SLC38A6: variants seen among roughly 807,000 people sequenced by gnomAD.
SLC38A6 encodes N system amino acid transporter NAT-1.
SLC38A6 carries 73 observed loss-of-function variants against 65.0 expected under a neutral mutation model. The ratio of observed to expected loss-of-function variants is 1.12; its 90% confidence interval spans 0.93 to 1.37. SLC38A6 has a LOEUF of 1.37. SLC38A6 is among the 40% of genes most tolerant of loss of function. SLC38A6 has a pLI of 0.00. For missense variants in SLC38A6, 561 were observed against 531.1 expected (o/e 1.06, Z -0.55); for synonymous variants, 183 against 178.8 (o/e 1.02, Z -0.19).
At chr14:61,012,350 A>AT (rs1374216081) in intron 3 of SLC38A6, among the ~76,000 whole-genome samples, 1 of 148,222 alleles carries the variant, frequency 6.7e-6, no homozygotes, top group Non-Finnish European at 1.5e-5. Context: ...GGATTCATTG[A>AT]TTTTTTTGCA....
intron 12 of SLC38A6, 125 bp downstream of exon 12, chr14:61,046,292 G>T (rs2139818933): frequency 1.7e-6 from 1 of 604,264 alleles, no homozygotes; most frequent in East Asian, 2.8e-5. Context: ...AAATTACAAT[G>T]CAGTACTGTG....
chr14:61,018,890 A>G (rs532836900), intron 4 of SLC38A6, among the ~76,000 whole-genome samples: 7 of 152,184 alleles, frequency 4.6e-5, no homozygotes, highest in Admixed American at 1.3e-4. Context: ...CTCACATATT[A>G]TCAACTGGCC....
At chr14:61,068,627 G>T (rs1284158885) in intron 15 of SLC38A6, among the ~76,000 whole-genome samples, 1 of 152,160 alleles carries the variant, frequency 6.6e-6, no homozygotes, top group Non-Finnish European at 1.5e-5. Flanking sequence ...GGTCTGCCCT[G>T]CCTGTCTTAT....
chr14:60,981,384 T>G lies in SLC38A6; in HGVS notation c.105+2T>G. ...GAGTTGAGTCCGTTGCTAAGCAACG[T>G]AAGTGGGCTGTGTTCGCTTCCCCGC... On this transcript the variant is annotated splice_donor_variant, in intron 1 of 15. Transcript: ENST00000267488. LOFTEE classifies it high-confidence loss of function. 6.3e-7 allele frequency: 1 copy of G among 1,592,126 alleles called. No individual in the cohort carries two copies. The highest frequency in any genetic ancestry group is 8.6e-7 in the Non-Finnish European group (1 of 1,169,314).
At chr14:61,069,840 A>G (rs531476482) in intron 15 of SLC38A6, among the ~76,000 whole-genome samples, 1 of 152,236 alleles carries the variant, frequency 6.6e-6, no homozygotes, top group South Asian at 2.1e-4. Flanking sequence ...CCCAGCATCC[A>G]GTTTTCCTCC....
At chr14:61,026,297 C>T (rs895762206) in intron 5 of SLC38A6, among the ~76,000 whole-genome samples, 6 of 151,938 alleles carry the variant, frequency 3.9e-5, no homozygotes, top group African/African-American at 1.5e-4. Context: ...ATTTCAAATA[C>T]GTGAGAATAG....
At chr14:61,070,090 A>G (rs1461989777) in intron 15 of SLC38A6, among the ~76,000 whole-genome samples, 1 of 152,222 alleles carries the variant, frequency 6.6e-6, no homozygotes, top group Admixed American at 6.5e-5. Flanking sequence ...TGCCCTCTTA[A>G]CAAACTTGTA....
At chr14:61,011,007 A>G (rs1306662972) in intron 3 of SLC38A6, among the ~76,000 whole-genome samples, 1 of 152,018 alleles carries the variant, frequency 6.6e-6, no homozygotes, top group African/African-American at 2.4e-5. Context: ...GATTCTTCCT[A>G]CCCATGCGCA....
At chr14:60,988,657 G>A (rs2037636706) in intron 3 of SLC38A6, among the ~76,000 whole-genome samples, 1 of 152,088 alleles carries the variant, frequency 6.6e-6, no homozygotes, top group Non-Finnish European at 1.5e-5. Context: ...CTTCAACTCT[G>A]ACAGTTTTCA....
chr14:61,035,522 CTATTT>C (rs1163615270), intron 6 of SLC38A6, among the ~76,000 whole-genome samples: 1 of 152,076 alleles, frequency 6.6e-6, no homozygotes, highest in Non-Finnish European at 1.5e-5. Flanking sequence ...AGAATTTTCT[CTATTT>C]TATTTTCTTA....
chr14:61,018,492 C>T (rs1005166092), intron 4 of SLC38A6, among the ~76,000 whole-genome samples: 62 of 152,236 alleles, frequency 4.1e-4, no homozygotes, highest in Admixed American at 2.5e-3. Flanking sequence ...AATGCTGTGC[C>T]ACTGATAGAA....
chr14:61,029,529 ATCT>A (rs1459200232), intron 5 of SLC38A6, among the ~76,000 whole-genome samples: 2 of 152,168 alleles, frequency 1.3e-5, no homozygotes, highest in East Asian at 1.9e-4. Flanking sequence ...CTGACTACAA[ATCT>A]TCTGAGTTTC....
At chr14:60,997,284 T>G in intron 3 of SLC38A6, among the ~76,000 whole-genome samples, 1 of 152,156 alleles carries the variant, frequency 6.6e-6, no homozygotes, top group Non-Finnish European at 1.5e-5. Flanking sequence ...CCTGAGTAGC[T>G]GGGACTACAG....
Position 60,991,410 on chromosome 14 carries a change from C to T in SLC38A6, c.310+6607C>T, listed in dbSNP as rs11844058. ...ATCTTCATAATAATATTATGAGGTA[C>T]GTATCAATATTATTTCCATTTTTTG... On this transcript the variant is annotated intron_variant, in intron 3 of 15. Transcript: ENST00000267488. 6.0e-3 allele frequency among the ~76,000 whole-genome samples: 909 copies of T among 152,074 alleles called. 15 individuals carry two copies. Among genetic ancestry groups the T allele is most frequent in the African/African-American group, 0.021 (867 of 41,456 alleles).
At chr14:61,068,410 C>T (rs2043104667) in intron 15 of SLC38A6, among the ~76,000 whole-genome samples, 1 of 152,194 alleles carries the variant, frequency 6.6e-6, no homozygotes, top group African/African-American at 2.4e-5. Context: ...CCATGGCCTA[C>T]AAGGCTCAAT....
intron 15 of SLC38A6, among the ~76,000 whole-genome samples, chr14:61,065,506 A>T (rs1224109229): frequency 6.6e-6 from 1 of 152,188 alleles, no homozygotes; most frequent in Non-Finnish European, 1.5e-5. Flanking sequence ...ATATTTACCT[A>T]CATATAAAGC....
intron 3 of SLC38A6, among the ~76,000 whole-genome samples, chr14:61,009,080 A>G (rs1165672647): frequency 6.6e-6 from 1 of 152,166 alleles, no homozygotes; most frequent in Non-Finnish European, 1.5e-5. Context: ...AAAGTTTTCC[A>G]AGAAAAAAAG....
chr14:61,022,421 CTTAT>C (rs1184616736), intron 5 of SLC38A6, among the ~76,000 whole-genome samples: 3 of 150,944 alleles, frequency 2.0e-5, no homozygotes, highest in African/African-American at 7.3e-5. Flanking sequence ...AAACAACATA[CTTAT>C]TTGGGAGGAT....
At chr14:60,982,194 C>G in intron 1 of SLC38A6, 2 of 475,914 alleles carry the variant, frequency 4.2e-6, no homozygotes, top group Non-Finnish European at 8.3e-6. Context: ...TATCCCTCCT[C>G]TCTCTCCCCA....
Sources: allele counts gnomAD v4.1 joint callset (sites outside exome capture counted in the v4.1 genomes callset), GRCh38; gene constraint gnomAD v4.1.1; transcripts MANE v1.5; gene names NCBI Gene and HGNC (gene_info 2026-07-23, HGNC 2026-07-21).